Variants in SLC35E3 observed in about 807,000 individuals in gnomAD.
SLC35E3 encodes bladder cancer-overexpressed gene 1 protein.
Under a neutral mutation model 30.8 loss-of-function variants are expected in SLC35E3, and 28 were observed. The observed-to-expected ratio is 0.91, with a 90% confidence interval of 0.67 to 1.25. The LOEUF (loss-of-function observed/expected upper bound fraction) is 1.25, where lower values mean the gene tolerates loss of function less well. Among genes scored for constraint, SLC35E3 ranks in the 50% most tolerant of loss-of-function variants. The pLI, the probability that SLC35E3 is intolerant of heterozygous loss-of-function variation, is 0.00. For missense variants in SLC35E3, 365 were observed against 375.4 expected, an observed-to-expected ratio of 0.97 and a Z score of 0.23; for synonymous variants, 146 against 149.2, an observed-to-expected ratio of 0.98 and a Z score of 0.16.
At chr12:68,753,104 C>CCT (rs71091552) in intron 3 of SLC35E3, among the ~76,000 whole-genome samples, 125,043 of 145,704 alleles carry the variant, frequency 0.86, 53,898 homozygotes, top group South Asian at 0.89. Flanking sequence ...TGGGATCACA[C>CCT]CTGTCTCAAA....
At chr12:68,764,647 G>T in intron 4 of SLC35E3, 57 bp from the exon 5 acceptor site, 1 of 1,539,006 alleles carries the variant, frequency 6.5e-7, no homozygotes, top group Non-Finnish European at 8.9e-7. Context: ...GCGAGTGTGT[G>T]TGTAAATATT....
chr12:68,758,721 TTC>T (rs1462037405), intron 3 of SLC35E3, among the ~76,000 whole-genome samples: 3 of 137,984 alleles, frequency 2.2e-5, no homozygotes, highest in Non-Finnish European at 4.7e-5. Flanking sequence ...CAACCCCAAA[TTC>T]TCTTTCTTTT....
Position 68,759,149 on chromosome 12 carries a change from A to G in SLC35E3, c.673-8A>G. 1 of 1,601,210 alleles carries G rather than the reference A, an allele frequency of 6.2e-7. No individual in the cohort carries two copies. The highest frequency in any genetic ancestry group is 2.2e-5 in the East Asian group (1 of 44,748). ...TTTGCATTAATGGTTCTTTTGGTTT[A>G]TTTGTAGCTTATGGTGCTGCTATCT... On this transcript the variant is annotated splice_region_variant and splice_polypyrimidine_tract_variant and intron_variant, in intron 3 of 4. Transcript: ENST00000398004.
rs978289832 is a variant in SLC35E3, at chr12:68,780,893, A to G, written c.*16003A>G. On this transcript the variant is annotated 3_prime_UTR_variant, in exon 5 of 5. Transcript: ENST00000398004. ...CTCCACCAGGCCTAAGGCTGAAGGAATGTAGTTTGCTGCCCTTCAGTCTAT... is the reference window on the plus strand; with the variant it reads ...CTCCACCAGGCCTAAGGCTGAAGGAGTGTAGTTTGCTGCCCTTCAGTCTAT... The G allele has an allele frequency of 9.2e-5, 14 of 152,188 alleles. No homozygotes were observed. The highest frequency in any genetic ancestry group is 3.1e-4 in the African/African-American group (13 of 41,458). 9.4% of individuals were successfully genotyped at this position (152,188 alleles called of 1,614,324 possible).
intron 3 of SLC35E3, among the ~76,000 whole-genome samples, chr12:68,754,062 G>A (rs1305819859): frequency 1.3e-5 from 2 of 151,992 alleles, no homozygotes; most frequent in African/African-American, 4.8e-5. Flanking sequence ...GGCCAGGATG[G>A]TCTCAATCTC....
In SLC35E3 at chr12:68,768,239, AG is replaced by A. The variant is rs1879502469; in HGVS notation, c.*3350del. The A allele has an allele frequency of 6.6e-6, 1 of 152,066 alleles. No individual in the cohort carries two copies. The highest frequency in any genetic ancestry group is 2.1e-4 in the South Asian group (1 of 4,828). 9.4% of individuals were successfully genotyped at this position (152,066 alleles called of 1,614,324 possible). A position where few individuals can be genotyped will look rare whatever the true frequency, so the allele number is the denominator to read the frequency against. On this transcript the variant is annotated 3_prime_UTR_variant, in exon 5 of 5. Transcript: ENST00000398004. The stretch of plus-strand genomic sequence containing the variant: ...GGGAGTCGGAGGTTGCAGTGAGCCG[AG>A]ACTGCGCCATTGCACACCAGCCTGG...
rs1592547400 is a variant in SLC35E3 at position 68,766,241 on chromosome 12, C to T, written c.*1351C>T. 1 of 151,914 alleles carries T rather than the reference C, an allele frequency of 6.6e-6. No homozygotes were observed. Among genetic ancestry groups the T allele is most frequent in the East Asian group, 1.9e-4 (1 of 5,164 alleles). 9.4% of individuals were successfully genotyped at this position (151,914 alleles called of 1,614,324 possible). ...GTGGCTCACACCTGTAATCCCAGCA[C>T]TTTGGAAGGTTGAGGCAGGCAGATC... On this transcript the variant is annotated 3_prime_UTR_variant, in exon 5 of 5. Coordinates refer to ENST00000398004, the MANE Select transcript of SLC35E3 (RefSeq NM_018656.5).
rs1232419512 is a variant in SLC35E3, at chr12:68,776,376, G to T, written c.*11486G>T. 6.6e-6 allele frequency: 1 copy of T among 151,816 alleles called. No homozygotes were observed. Among genetic ancestry groups the T allele is most frequent in the Non-Finnish European group, 1.5e-5 (1 of 68,100 alleles). The allele number at this position is 151,816 out of a possible 1,614,324, so 9.4% of individuals were successfully genotyped here. ...ATACAAAAATTAGCTGGACGTGGTG[G>T]CAGGCGCCTGTAATCCCAGCTACTC... On this transcript the variant is annotated 3_prime_UTR_variant, in exon 5 of 5. Transcript: ENST00000398004.
chr12:68,746,667 A>T lies in SLC35E3; in HGVS notation c.290A>T (p.Asn97Ile). The change falls in exon 1 of 5, where the codon AAC (asparagine) becomes ATC (isoleucine). Residue 97 changes from asparagine to isoleucine, a missense_variant. Asn to Ile is a moderately radical substitution (Grantham distance 149, BLOSUM62 -3). Transcript: ENST00000398004. ...FVVFTNLSLQNNTIGTYQLAK... is the reference protein window; with the variant it reads ...FVVFTNLSLQINTIGTYQLAK... ...GTCTTCACTAACCTTTCTCTGCAGAACAACACCATAGGCACCTATCAGCTG... is the reference window on the plus strand; with the variant it reads ...GTCTTCACTAACCTTTCTCTGCAGATCAACACCATAGGCACCTATCAGCTG... The T allele has an allele frequency of 6.2e-7, 1 of 1,614,250 alleles. No individual in the cohort carries two copies. The highest frequency in any genetic ancestry group is 1.6e-4 in the Middle Eastern group (1 of 6,062).
intron 3 of SLC35E3, among the ~76,000 whole-genome samples, chr12:68,758,729 C>CTTTTTTTTTTTTTTTT (rs776771224): frequency 2.1e-5 from 1 of 48,420 alleles, no homozygotes; most frequent in African/African-American, 8.1e-5. Flanking sequence ...AATTCTCTTT[C>CTTTTTTTTTTTTTTTT]TTTTTTTTTT....
intron 3 of SLC35E3, among the ~76,000 whole-genome samples, chr12:68,756,000 C>T (rs1273621164): frequency 6.6e-6 from 1 of 152,108 alleles, no homozygotes; most frequent in Non-Finnish European, 1.5e-5. Context: ...TAAGCAGAAA[C>T]ACAATTTGGA....
At chr12:68,755,953 TAA>T (rs1878984741) in intron 3 of SLC35E3, among the ~76,000 whole-genome samples, 1 of 152,118 alleles carries the variant, frequency 6.6e-6, no homozygotes, top group African/African-American at 2.4e-5. Context: ...AACCGAGAGA[TAA>T]AGAGTTAGTA....
Position 68,764,929 on chromosome 12 carries a change from A to G in SLC35E3, c.*39A>G, listed in dbSNP as rs1409814133. Reference sequence around the variant, plus strand: ...GAGAAAAGAATGTTGTCCCAAGAAGATAAAAAATATTGTTAAGTGTGCAAG... The same window carrying G: ...GAGAAAAGAATGTTGTCCCAAGAAGGTAAAAAATATTGTTAAGTGTGCAAG... On this transcript the variant is annotated 3_prime_UTR_variant, in exon 5 of 5. Coordinates refer to ENST00000398004, the MANE Select transcript of SLC35E3 (RefSeq NM_018656.5). The G allele has an allele frequency of 1.3e-6, 2 of 1,587,644 alleles. No individual in the cohort carries two copies. The highest frequency in any genetic ancestry group is 1.7e-6 in the Non-Finnish European group (2 of 1,164,900).
At position 68,771,171 on chromosome 12, in the gene SLC35E3, G is replaced by T. The variant is rs1460427685; in HGVS notation, c.*6281G>T. 2 of 151,948 alleles carry T rather than the reference G, an allele frequency of 1.3e-5. No homozygotes were observed. Among genetic ancestry groups the T allele is most frequent in the Non-Finnish European group, 2.9e-5 (2 of 68,092 alleles). The allele number at this position is 151,948 out of a possible 1,614,324, so 9.4% of individuals were successfully genotyped here. On this transcript the variant is annotated 3_prime_UTR_variant, in exon 5 of 5. Transcript: ENST00000398004. Reference sequence around the variant, plus strand: ...TGCCTATAATCCCAGCTACTTAGGAGGCTGAGGCAGGAGAATCGCTTGAAT... The same window carrying T: ...TGCCTATAATCCCAGCTACTTAGGATGCTGAGGCAGGAGAATCGCTTGAAT...
chr12:68,754,785 T>A (rs10784724), intron 3 of SLC35E3, among the ~76,000 whole-genome samples: 3 of 151,766 alleles, frequency 2.0e-5, no homozygotes, highest in Non-Finnish European at 2.9e-5. Context: ...TTAGAGACAG[T>A]GTCTGGCTAT....
At position 68,746,233 on chromosome 12, in the gene SLC35E3, T is replaced by C. The variant is rs1878543281; in HGVS notation, c.-145T>C. 4.2e-6 allele frequency: 3 copies of C among 721,518 alleles called. No individual in the cohort carries two copies. The highest frequency in any genetic ancestry group is 3.9e-5 in the South Asian group (2 of 51,458). The allele number at this position is 721,518 out of a possible 1,614,324, so 44.7% of individuals were successfully genotyped here. A position where few individuals can be genotyped will look rare whatever the true frequency, so the allele number is the denominator to read the frequency against. On this transcript the variant is annotated 5_prime_UTR_variant, in exon 1 of 5. Coordinates refer to ENST00000398004, the MANE Select transcript of SLC35E3 (RefSeq NM_018656.5). ...GTGTGTCCTCTGTTAAGAGTGCTAC[T>C]CGCCCGGGGTTGATCTGTGCATGCC...
chr12:68,762,696 A>G (rs1879266308), intron 4 of SLC35E3, among the ~76,000 whole-genome samples: 1 of 152,242 alleles, frequency 6.6e-6, no homozygotes, highest in African/African-American at 2.4e-5. Context: ...TGAGGAGTAA[A>G]GAAATTTAAA....
chr12:68,755,612 T>G (rs542387890), intron 3 of SLC35E3, among the ~76,000 whole-genome samples: 2 of 152,328 alleles, frequency 1.3e-5, no homozygotes, highest in Admixed American at 6.5e-5. Context: ...TGCTGGCATC[T>G]ACTTCTAGTG....
At chr12:68,756,770 G>A (rs984328972) in intron 3 of SLC35E3, among the ~76,000 whole-genome samples, 1 of 152,170 alleles carries the variant, frequency 6.6e-6, no homozygotes, top group Non-Finnish European at 1.5e-5. Context: ...GGGAGGTCAG[G>A]GCGGGCGGAT....
Sources: allele counts gnomAD v4.1 joint callset (sites outside exome capture counted in the v4.1 genomes callset), GRCh38; gene constraint gnomAD v4.1.1; transcripts MANE v1.5; gene names NCBI Gene and HGNC (gene_info 2026-07-23, HGNC 2026-07-21).